GRIN2A: variants seen among roughly 807,000 people sequenced by gnomAD.
GRIN2A encodes the protein glutamate ionotropic receptor NMDA type subunit 2A.
GRIN2A carries 22 observed loss-of-function variants against 113.4 expected under a neutral mutation model. That is an observed-to-expected ratio of 0.19 (90% confidence interval 0.14 to 0.28). GRIN2A has a LOEUF of 0.28. Ranked by LOEUF, GRIN2A falls within the 10% of genes least tolerant of loss-of-function variation. The pLI is 1.00. For missense variants in GRIN2A, 1,502 were observed against 1,887.0 expected, an observed-to-expected ratio of 0.80 and a Z score of 3.78; for synonymous variants, 827 against 738.4, an observed-to-expected ratio of 1.12 and a Z score of -1.94.
intron 2 of GRIN2A, among the ~76,000 whole-genome samples, chr16:10,074,758 A>G (rs982712646): frequency 6.6e-6 from 1 of 152,212 alleles, no homozygotes; most frequent in Non-Finnish European, 1.5e-5. Flanking sequence ...GGCTAAAAAT[A>G]TGAGGTTTCT....
rs1358730818 is a variant in GRIN2A at position 9,789,828 on chromosome 16, C to G, written c.2356+8449G>C. 2.6e-5 allele frequency among the ~76,000 whole-genome samples: 4 copies of G among 152,156 alleles called. No individual in the cohort carries two copies. In the East Asian group the frequency reaches 7.7e-4, roughly 29 times the overall value. On this transcript the variant is annotated intron_variant, in intron 11 of 12. Transcript: ENST00000330684. The stretch of plus-strand genomic sequence containing the variant: ...AGAACAGCAAAAGTCAAGGGTGGAG[C>G]AACGCAGCTTTATTTCACAAGCCCC...
chr16:9,841,151 T>C (rs767550516), intron 5 of GRIN2A, 47 bp from the exon 6 acceptor site: 7 of 1,469,190 alleles, frequency 4.8e-6, no homozygotes, highest in Non-Finnish European at 6.7e-6. Context: ...ACTGGAAGGT[T>C]TGTTCACAAT....
intron 3 of GRIN2A, among the ~76,000 whole-genome samples, chr16:9,929,393 T>C (rs542958687): frequency 8.5e-5 from 13 of 152,314 alleles, no homozygotes; most frequent in Admixed American, 2.6e-4. Flanking sequence ...GACACCACCA[T>C]CTACTCAGCT....
intron 2 of GRIN2A, among the ~76,000 whole-genome samples, chr16:9,976,122 A>T (rs2045769266): frequency 6.6e-6 from 1 of 152,244 alleles, no homozygotes; most frequent in Non-Finnish European, 1.5e-5. Flanking sequence ...TTTAAAATGT[A>T]ATTAAGCTAT....
chr16:9,858,451 G>GA (rs994044755), intron 4 of GRIN2A, among the ~76,000 whole-genome samples: 3 of 151,602 alleles, frequency 2.0e-5, no homozygotes, highest in African/African-American at 4.8e-5. Context: ...TGTGGGAGGA[G>GA]AAAAAAAATC....
chr16:9,897,642 G>A (rs574837024), intron 3 of GRIN2A, among the ~76,000 whole-genome samples: 20 of 152,304 alleles, frequency 1.3e-4, no homozygotes, highest in African/African-American at 4.1e-4. Flanking sequence ...TCATGTTGGA[G>A]TAGTTTAGGC....
chr16:10,125,722 A>G (rs998496654), intron 2 of GRIN2A, among the ~76,000 whole-genome samples: 1 of 151,502 alleles, frequency 6.6e-6, no homozygotes, highest in Non-Finnish European at 1.5e-5. Context: ...GGCCCAGGGG[A>G]AGAGGCTGCC....
chr16:9,927,759 G>T (rs1333699919), intron 3 of GRIN2A, among the ~76,000 whole-genome samples: 1 of 152,150 alleles, frequency 6.6e-6, no homozygotes, highest in Non-Finnish European at 1.5e-5. Flanking sequence ...GAAACTTGAA[G>T]TTTCCCCACT....
intron 2 of GRIN2A, among the ~76,000 whole-genome samples, chr16:10,009,551 G>A (rs1362101763): frequency 6.6e-6 from 1 of 152,108 alleles, no homozygotes; most frequent in Non-Finnish European, 1.5e-5. Context: ...ACCAGGAAAG[G>A]CAGTGGTAAC....
intron 2 of GRIN2A, among the ~76,000 whole-genome samples, chr16:10,040,293 T>A (rs983153240): frequency 2.4e-5 from 3 of 124,368 alleles, no homozygotes; most frequent in Admixed American, 8.0e-5. Context: ...ATCCACGTCA[T>A]GCACATCCAA....
At chr16:9,792,915 C>T (rs1902705262) in intron 11 of GRIN2A, among the ~76,000 whole-genome samples, 1 of 152,214 alleles carries the variant, frequency 6.6e-6, no homozygotes, top group African/African-American at 2.4e-5. Context: ...CCAATTGTTA[C>T]CTCTATAAAA....
intron 2 of GRIN2A, among the ~76,000 whole-genome samples, chr16:10,141,147 C>G (rs554103922): frequency 6.6e-6 from 1 of 151,470 alleles, no homozygotes; most frequent in Non-Finnish European, 1.5e-5. Context: ...TGAGCCAGAT[C>G]GTGCCACTGC....
chr16:9,841,686 G>A (rs150725687), intron 5 of GRIN2A, among the ~76,000 whole-genome samples: 6 of 152,282 alleles, frequency 3.9e-5, no homozygotes, highest in African/African-American at 1.4e-4. Context: ...CTGATTTTGT[G>A]CACTGAACTT....
At chr16:10,113,176 C>T (rs974372280) in intron 2 of GRIN2A, among the ~76,000 whole-genome samples, 3 of 152,134 alleles carry the variant, frequency 2.0e-5, no homozygotes, top group African/African-American at 7.2e-5. Context: ...CATGCTCCAG[C>T]ATGGCCCCCA....
chr16:9,998,874 T>C (rs537854972), intron 2 of GRIN2A, among the ~76,000 whole-genome samples: 76 of 152,262 alleles, frequency 5.0e-4, no homozygotes, highest in South Asian at 2.1e-3. Context: ...TTCAATTACA[T>C]GCATTGCTTT....
intron 4 of GRIN2A, among the ~76,000 whole-genome samples, chr16:9,878,878 C>T (rs542975862): frequency 7.8e-4 from 118 of 151,852 alleles, no homozygotes; most frequent in African/African-American, 2.4e-3. Flanking sequence ...CACACACACA[C>T]GCACACACAG....
At chr16:9,812,699 T>G (rs549018940) in intron 10 of GRIN2A, among the ~76,000 whole-genome samples, 2 of 151,922 alleles carry the variant, frequency 1.3e-5, no homozygotes, top group South Asian at 4.2e-4. Flanking sequence ...AAACACACAA[T>G]AAAAAAATTT....
intron 3 of GRIN2A, among the ~76,000 whole-genome samples, chr16:9,899,017 G>T (rs184220684): frequency 9.9e-4 from 151 of 151,838 alleles, no homozygotes; most frequent in African/African-American, 3.4e-3. Flanking sequence ...ATATCCTTGC[G>T]CTGTCTTTTG....
chr16:9,892,896 C>G (rs111887006), intron 3 of GRIN2A, among the ~76,000 whole-genome samples: 2 of 145,398 alleles, frequency 1.4e-5, no homozygotes, highest in African/African-American at 2.6e-5. Context: ...GTGTCACTTG[C>G]TTCATATTCC....
Sources: allele counts gnomAD v4.1 joint callset (sites outside exome capture counted in the v4.1 genomes callset), GRCh38; gene constraint gnomAD v4.1.1; transcripts MANE v1.5; gene names NCBI Gene and HGNC (gene_info 2026-07-23, HGNC 2026-07-21).